The following SLC35F4 variants were observed in gnomAD, a reference collection of about 807,000 sequenced individuals.
SLC35F4 encodes the protein chromosome 14 open reading frame 36.
Under a neutral mutation model 44.2 loss-of-function variants are expected in SLC35F4, and 24 were observed. That is an observed-to-expected ratio of 0.54 (90% CI 0.39 to 0.76). SLC35F4 has a LOEUF of 0.76. Among genes scored for constraint, SLC35F4 ranks in the 30% least tolerant of loss-of-function variants. SLC35F4 has a pLI of 0.00. For missense variants in SLC35F4, 562 were observed against 586.1 expected (o/e 0.96, Z 0.42); for synonymous variants, 238 against 223.6 (o/e 1.06, Z -0.57).
At chr14:57,951,056 G>C (rs34130298) in intron 1 of SLC35F4, among the ~76,000 whole-genome samples, 20,791 of 152,164 alleles carry the variant, frequency 0.14, 1,719 homozygotes, top group East Asian at 0.25. Context: ...CTCCCAGAGA[G>C]ATCAACCCAG....
At chr14:57,759,551 G>A (rs1202474312) in intron 1 of SLC35F4, among the ~76,000 whole-genome samples, 1 of 152,080 alleles carries the variant, frequency 6.6e-6, no homozygotes, top group Non-Finnish European at 1.5e-5. Flanking sequence ...CTGCACTCCA[G>A]CCTGGGTGAC....
intron 1 of SLC35F4, among the ~76,000 whole-genome samples, chr14:57,600,691 C>CAAAAAAAAAA (rs67819924): frequency 1.8e-4 from 10 of 55,394 alleles, no homozygotes; most frequent in Admixed American, 4.4e-4. Context: ...GACTCCATCT[C>CAAAAAAAAAA]AAAAAAAAAA....
intron 1 of SLC35F4, among the ~76,000 whole-genome samples, chr14:57,755,085 T>C (rs1455021924): frequency 6.6e-6 from 1 of 152,218 alleles, no homozygotes; most frequent in Non-Finnish European, 1.5e-5. Flanking sequence ...GCCTGGCTCC[T>C]GTCCCATGTG....
intron 1 of SLC35F4, among the ~76,000 whole-genome samples, chr14:57,711,499 A>T (rs938345698): frequency 1.3e-5 from 2 of 152,176 alleles, no homozygotes; most frequent in Non-Finnish European, 2.9e-5. Flanking sequence ...TTATGAGACC[A>T]TTTTTTATGT....
At chr14:57,772,413 G>A (rs1256865416) in intron 1 of SLC35F4, among the ~76,000 whole-genome samples, 1 of 152,006 alleles carries the variant, frequency 6.6e-6, no homozygotes. Flanking sequence ...ACATGTGCTT[G>A]TTTGTTATAT....
rs544875367 is a variant in SLC35F4, at chr14:57,680,977, T to C, written c.104-86853A>G. Among the ~76,000 whole-genome samples the C allele has an allele frequency of 2.6e-5, 4 of 152,206 alleles. 1 individual carries two copies. Among genetic ancestry groups the C allele is most frequent in the South Asian group, 2.1e-4 (1 of 4,826 alleles). ...ATTTATAAATTCAATGTTCTTCCCA[T>C]CAAGCTACCATTGACTTTCTGCGAA... is the stretch of plus-strand genomic sequence containing the variant. On this transcript the variant is annotated intron_variant, in intron 1 of 7. Coordinates refer to ENST00000556826, the MANE Select transcript of SLC35F4 (RefSeq NM_001306087.2).
chr14:57,903,468 C>T (rs865856431), intron 1 of SLC35F4, among the ~76,000 whole-genome samples: 5 of 152,292 alleles, frequency 3.3e-5, no homozygotes, highest in Middle Eastern at 3.4e-3. Context: ...GAAGTCAGAA[C>T]ATAGTTTAGA....
intron 1 of SLC35F4, among the ~76,000 whole-genome samples, chr14:57,649,789 C>A (rs2073705065): frequency 1.0e-4 from 3 of 29,980 alleles, no homozygotes; most frequent in Non-Finnish European, 5.8e-4. Flanking sequence ...AAAAGCAAAT[C>A]ACCAAATCCC....
Position 57,827,068 on chromosome 14 carries a change from T to C in SLC35F4, c.103+38655A>G, listed in dbSNP as rs545932019. Among the ~76,000 whole-genome samples, 312 of 152,268 alleles carry C rather than the reference T, an allele frequency of 2.0e-3. 1 individual carries two copies. The highest frequency in any genetic ancestry group is 3.8e-3 in the Non-Finnish European group (260 of 68,024). On this transcript the variant is annotated intron_variant, in intron 1 of 7. Coordinates refer to ENST00000556826, the MANE Select transcript of SLC35F4 (RefSeq NM_001306087.2). ...AAAGATATATGCACACGTATGTTCATTGCAGCACTATTCACAATAGCAAAG... is the reference window on the plus strand; with the variant it reads ...AAAGATATATGCACACGTATGTTCACTGCAGCACTATTCACAATAGCAAAG...
chr14:57,641,855 CATAGTCTTA>C (rs1275154675), intron 1 of SLC35F4, among the ~76,000 whole-genome samples: 1 of 151,968 alleles, frequency 6.6e-6, no homozygotes, highest in African/African-American at 2.4e-5. Flanking sequence ...TGATGAATAG[CATAGTCTTA>C]AGAGAGGTGG....
At chr14:57,842,635 G>A (rs1885595501) in intron 1 of SLC35F4, among the ~76,000 whole-genome samples, 1 of 152,142 alleles carries the variant, frequency 6.6e-6, no homozygotes, top group South Asian at 2.1e-4. Context: ...CTCTCTCCAT[G>A]TTTTGGGAAT....
At chr14:57,894,879 G>A (rs940192690) in intron 1 of SLC35F4, among the ~76,000 whole-genome samples, 7 of 152,122 alleles carry the variant, frequency 4.6e-5, no homozygotes, top group Non-Finnish European at 7.4e-5. Context: ...AACTTACACA[G>A]CATCATCAGC....
chr14:57,775,488 C>A (rs1274618719), intron 1 of SLC35F4, among the ~76,000 whole-genome samples: 1 of 152,214 alleles, frequency 6.6e-6, no homozygotes, highest in African/African-American at 2.4e-5. Context: ...AAGCTGAGGT[C>A]AATATCAGTC....
At chr14:57,738,580 GT>G (rs972999285) in intron 1 of SLC35F4, among the ~76,000 whole-genome samples, 7 of 151,640 alleles carry the variant, frequency 4.6e-5, no homozygotes, top group African/African-American at 1.7e-4. Flanking sequence ...ATGCAAAGAT[GT>G]TTAAGGGAAA....
At chr14:57,778,292 T>A (rs2077539604) in intron 1 of SLC35F4, among the ~76,000 whole-genome samples, 1 of 152,094 alleles carries the variant, frequency 6.6e-6, no homozygotes, top group African/African-American at 2.4e-5. Flanking sequence ...TATGTCTTTA[T>A]CAGCAGCATG....
chr14:57,598,090 T>A (rs1238524719), intron 1 of SLC35F4, among the ~76,000 whole-genome samples: 1 of 152,174 alleles, frequency 6.6e-6, no homozygotes, highest in East Asian at 1.9e-4. Context: ...AGAGTGTCCC[T>A]AAACCTCAGG....
intron 1 of SLC35F4, among the ~76,000 whole-genome samples, chr14:57,887,339 G>C (rs1254264482): frequency 3.3e-5 from 5 of 152,190 alleles, no homozygotes; most frequent in Admixed American, 1.3e-4. Flanking sequence ...AAGCTCCCTG[G>C]CTCAGAATGC....
Position 57,564,151 on chromosome 14 carries a change from G to T in SLC35F4, c.1442C>A (p.Ser481Tyr). The T allele has an allele frequency of 6.2e-7, 1 of 1,613,680 alleles. No homozygotes were observed. The highest frequency in any genetic ancestry group is 1.1e-5 in the South Asian group (1 of 91,050). Residue 481 changes from serine (S) to tyrosine (Y), a missense_variant, in exon 8 of 8, where the codon TCT becomes TAT. Coordinates refer to ENST00000556826, the MANE Select transcript of SLC35F4 (RefSeq NM_001306087.2). ...TGTCCCTCTCTAAGCCAGTGGTATA[G>T]ACACTGTCCCATTGGCTCTGCCTCT... ...RGRGRANGTV[S>Y]IPLA
chr14:57,969,277 A>G (rs1342348882), intron 1 of SLC35F4, among the ~76,000 whole-genome samples: 12 of 152,216 alleles, frequency 7.9e-5, no homozygotes, highest in Middle Eastern at 3.2e-3. Flanking sequence ...GATTATCCTG[A>G]AAGTGATTTC....
Sources: gnomAD v4.1 joint callset for allele counts (sites outside exome capture counted in the v4.1 genomes callset) on GRCh38, gnomAD v4.1.1 for gene constraint, MANE v1.5 for transcripts, NCBI Gene and HGNC (gene_info 2026-07-23, HGNC 2026-07-21) for gene names.